The following DIP2C variants were observed in gnomAD, a reference collection of about 807,000 sequenced individuals.
DIP2C encodes the protein disco-interacting protein 2 homolog C.
DIP2C carries 33 observed loss-of-function variants against 192.4 expected under a neutral mutation model. The observed-to-expected ratio is 0.17, with a 90% confidence interval of 0.13 to 0.23. The LOEUF (loss-of-function observed/expected upper bound fraction) is 0.23, where lower values mean the gene tolerates loss of function less well. Among genes scored for constraint, DIP2C ranks in the 10% least tolerant of loss-of-function variants. The pLI is 1.00. For missense variants in DIP2C, 1,537 were observed against 2,110.1 expected, an observed-to-expected ratio of 0.73 and a Z score of 5.32; for synonymous variants, 979 against 864.1, an observed-to-expected ratio of 1.13 and a Z score of -2.33.
chr10:328,052 G>A (rs946685972), intron 30 of DIP2C, among the ~76,000 whole-genome samples: 1 of 152,260 alleles, frequency 6.6e-6, no homozygotes, highest in African/African-American at 2.4e-5. Flanking sequence ...CTAAGGGGGC[G>A]GCCACCAAAA....
At chr10:469,409 C>T (rs557714181) in intron 3 of DIP2C, among the ~76,000 whole-genome samples, 23 of 151,552 alleles carry the variant, frequency 1.5e-4, no homozygotes, top group African/African-American at 5.6e-4. Context: ...CTCCACCTCC[C>T]GGGTTCAAGA....
intron 1 of DIP2C, chr10:665,144 CAG>C (rs1857006920): frequency 2.6e-5 from 4 of 152,256 alleles, no homozygotes; most frequent in Admixed American, 2.0e-4. Context: ...CTGAATAAAA[CAG>C]AAAATAAAAA....
intron 2 of DIP2C, among the ~76,000 whole-genome samples, chr10:484,007 C>G (rs1427211682): frequency 6.6e-6 from 1 of 152,008 alleles, no homozygotes; most frequent in Non-Finnish European, 1.5e-5. Flanking sequence ...ACGGGGACTC[C>G]CTTTGTTGCC....
intron 1 of DIP2C, among the ~76,000 whole-genome samples, chr10:539,358 A>G (rs527276648): frequency 2.0e-5 from 3 of 152,372 alleles, no homozygotes; most frequent in South Asian, 2.1e-4. Flanking sequence ...ATTATTCATT[A>G]AACAATATAG....
At chr10:441,638 C>G (rs1967742889) in intron 3 of DIP2C, among the ~76,000 whole-genome samples, 1 of 152,168 alleles carries the variant, frequency 6.6e-6, no homozygotes, top group Admixed American at 6.5e-5. Flanking sequence ...TTTTCTCTTG[C>G]TGCTGACATG....
chr10:607,280 C>G (rs977267950), intron 1 of DIP2C, among the ~76,000 whole-genome samples: 3 of 152,216 alleles, frequency 2.0e-5, no homozygotes, highest in African/African-American at 7.2e-5. Context: ...AGGAACGGTC[C>G]TCAGCTGAGC....
At chr10:426,681 C>G (rs1343245812) in intron 4 of DIP2C, among the ~76,000 whole-genome samples, 1 of 152,036 alleles carries the variant, frequency 6.6e-6, no homozygotes, top group African/African-American at 2.4e-5. Context: ...AGAATTAAAC[C>G]CAGAAATAAA....
At chr10:547,585 GTC>G (rs750518668) in intron 1 of DIP2C, among the ~76,000 whole-genome samples, 19 of 152,192 alleles carry the variant, frequency 1.2e-4, no homozygotes, top group African/African-American at 3.1e-4. Context: ...GGCTGGAACA[GTC>G]TCTGTCATGA....
At chr10:593,374 T>C (rs1378093162) in intron 1 of DIP2C, among the ~76,000 whole-genome samples, 1 of 152,046 alleles carries the variant, frequency 6.6e-6, no homozygotes, top group Admixed American at 6.5e-5. Context: ...AACATCACCT[T>C]AGTGATAATT....
chr10:578,268 G>A (rs1850306099), intron 1 of DIP2C, among the ~76,000 whole-genome samples: 1 of 152,158 alleles, frequency 6.6e-6, no homozygotes, highest in Admixed American at 6.5e-5. Flanking sequence ...CACTAGGAGG[G>A]ATTTTGCTAC....
intron 16 of DIP2C, among the ~76,000 whole-genome samples, 190 bp downstream of exon 16, chr10:383,837 G>A (rs1181657314): frequency 1.3e-5 from 2 of 151,754 alleles, no homozygotes; most frequent in Admixed American, 6.6e-5. Flanking sequence ...CCGAGTGAGT[G>A]ATTACTGTTT....
intron 31 of DIP2C, among the ~76,000 whole-genome samples, chr10:318,955 C>T (rs924529558): frequency 5.3e-5 from 8 of 151,930 alleles, no homozygotes; most frequent in African/African-American, 1.9e-4. Flanking sequence ...CTCCGTCACC[C>T]AGACTAGAGT....
At chr10:681,146 G>C (rs181882824) in intron 1 of DIP2C, among the ~76,000 whole-genome samples, 1 of 152,122 alleles carries the variant, frequency 6.6e-6, no homozygotes, top group Admixed American at 6.5e-5. Context: ...CAGTCCCATG[G>C]TGCAGCCACC....
intron 13 of DIP2C, among the ~76,000 whole-genome samples, chr10:388,402 C>T (rs1963160757): frequency 6.6e-6 from 1 of 152,216 alleles, no homozygotes; most frequent in African/African-American, 2.4e-5. Context: ...ACCTAGCTTT[C>T]TCCCGAAGTC....
intron 1 of DIP2C, among the ~76,000 whole-genome samples, chr10:609,955 GGCT>G (rs1336617291): frequency 6.6e-6 from 1 of 151,986 alleles, no homozygotes; most frequent in African/African-American, 2.4e-5. Context: ...TTCCACCGAG[GGCT>G]TTGGGGACAG....
intron 23 of DIP2C, 141 bp downstream of exon 23, chr10:357,687 C>T (rs918441756): frequency 2.2e-5 from 13 of 592,004 alleles, no homozygotes; most frequent in South Asian, 1.5e-4. Flanking sequence ...CTGTCGGGGA[C>T]GGTTGCGGAC....
intron 9 of DIP2C, among the ~76,000 whole-genome samples, chr10:406,840 G>A (rs1428184545): frequency 3.3e-5 from 5 of 152,148 alleles, no homozygotes; most frequent in African/African-American, 9.6e-5. Context: ...ATCAGTGCTG[G>A]AGGTATTCTG....
At chr10:481,666 G>C (rs1162771054) in intron 2 of DIP2C, among the ~76,000 whole-genome samples, 7 of 152,236 alleles carry the variant, frequency 4.6e-5, no homozygotes, top group African/African-American at 1.7e-4. Context: ...CTGCAGCCCA[G>C]ATAGACACCT....
intron 1 of DIP2C, among the ~76,000 whole-genome samples, chr10:583,160 C>G (rs1267880368): frequency 6.6e-6 from 1 of 152,210 alleles, no homozygotes; most frequent in African/African-American, 2.4e-5. Flanking sequence ...GAGCCTTCAC[C>G]ATAAATACAC....
Sources: gnomAD v4.1 joint callset for allele counts (sites outside exome capture counted in the v4.1 genomes callset) on GRCh38, gnomAD v4.1.1 for gene constraint, MANE v1.5 for transcripts, NCBI Gene and HGNC (gene_info 2026-07-23, HGNC 2026-07-21) for gene names.